Variants in PIK3R1 observed in about 807,000 individuals in gnomAD.
The protein encoded by PIK3R1 is phosphatidylinositol 3-kinase regulatory subunit alpha.
A neutral mutation model predicts 98.0 loss-of-function variants in PIK3R1; 29 were observed. That is an observed-to-expected ratio of 0.30 (90% CI 0.22 to 0.40). The LOEUF is 0.40. PIK3R1 is among the 10% of genes least tolerant of loss of function. The probability of loss-of-function intolerance (pLI) is 1.00; values close to 1 mark genes in which losing one functional copy is unlikely to be tolerated. For synonymous variants in PIK3R1, 282 were observed against 311.8 expected (o/e 0.90, Z 1.01); for missense variants, 596 against 872.7 (o/e 0.68, Z 3.99).
chr5:68,260,748 C>A (rs2112104476), intron 2 of PIK3R1, among the ~76,000 whole-genome samples: 1 of 152,266 alleles, frequency 6.6e-6, no homozygotes, highest in African/African-American at 2.4e-5. Flanking sequence ...ATATTGCTCT[C>A]AATTTCATGA....
At chr5:68,249,120 TC>T (rs1745207516) in intron 2 of PIK3R1, among the ~76,000 whole-genome samples, 1 of 152,262 alleles carries the variant, frequency 6.6e-6, no homozygotes, top group Admixed American at 6.5e-5. Flanking sequence ...CTGTGTAATT[TC>T]CTTCTGTCAA....
In PIK3R1 at chr5:68,273,478, G is replaced by C; in HGVS notation, c.423G>C (p.Lys141Asn). The change falls in exon 3 of 16, where the codon AAG becomes AAC. Residue 141 changes from lysine (K) to asparagine (N), a missense_variant. Around this residue, in one of 3 missense-constraint regions of PIK3R1, gnomAD observed 352 missense variants for 393.3 expected, o/e 0.90. Transcript: ENST00000521381. ...LLIKLVEAIE[K>N]KGLECSTLYR... ...TCAAGCTCGTGGAAGCCATTGAAAAGAAAGGTAACCAGACTGCTAGAGGGC... is the reference window on the plus strand; with the variant it reads ...TCAAGCTCGTGGAAGCCATTGAAAACAAAGGTAACCAGACTGCTAGAGGGC... The C allele has an allele frequency of 1.9e-6, 3 of 1,613,486 alleles. No homozygotes were observed. The highest frequency in any genetic ancestry group is 2.5e-6 in the Non-Finnish European group (3 of 1,179,478).
At position 68,300,000 on chromosome 5, in the gene PIK3R1, G is replaced by A. The variant is rs1427178856; in HGVS notation, c.*2399G>A. ...AATTAGTTAACAGTTTTTAAACTAG[G>A]TTTGTGGGTATTTTTTTGGTAGCAC... is the stretch of plus-strand genomic sequence containing the variant. On this transcript the variant is annotated 3_prime_UTR_variant, in exon 16 of 16. Transcript: ENST00000521381. The A allele has an allele frequency of 1.3e-5, 3 of 233,004 alleles. No homozygotes were observed. Among genetic ancestry groups the A allele is most frequent in the Non-Finnish European group, 2.5e-5 (3 of 118,000 alleles). 14.4% of individuals were successfully genotyped at this position (233,004 alleles called of 1,614,324 possible). A position where few individuals can be genotyped will look rare whatever the true frequency, so the allele number is the denominator to read the frequency against.
chr5:68,282,024 G>A (rs959089072), intron 7 of PIK3R1, among the ~76,000 whole-genome samples: 3 of 152,148 alleles, frequency 2.0e-5, no homozygotes, highest in African/African-American at 7.2e-5. Flanking sequence ...TGAAGATGCG[G>A]GTATTGGGAA....
At chr5:68,263,166 C>CAT (rs1338267325) in intron 2 of PIK3R1, among the ~76,000 whole-genome samples, 2 of 144,496 alleles carry the variant, frequency 1.4e-5, no homozygotes, top group Admixed American at 6.9e-5. Context: ...CATATATCTA[C>CAT]ATATATATCT....
chr5:68,244,527 CCCG>C lies in PIK3R1; in HGVS notation c.334+17526_334+17528del, dbSNP rs1554046351. Among the ~76,000 whole-genome samples the C allele has an allele frequency of 4.6e-5, 2 of 43,016 alleles. 1 individual carries two copies. The highest frequency in any genetic ancestry group is 2.3e-4 in the African/African-American group (2 of 8,638). 28.2% of individuals were successfully genotyped at this position (43,016 alleles called of 152,430 possible). On this transcript the variant is annotated intron_variant, in intron 2 of 15. Coordinates refer to ENST00000521381, the MANE Select transcript of PIK3R1 (RefSeq NM_181523.3). ...TTTCTCTAGGACCGCCCCCCCGCCCCCCGCCGCCGCTTCAGAGAGCTTTTCTCT... is the reference window on the plus strand; with the variant it reads ...TTTCTCTAGGACCGCCCCCCCGCCCCCCGCCGCTTCAGAGAGCTTTTCTCT...
At chr5:68,249,632 T>G (rs1207654183) in intron 2 of PIK3R1, among the ~76,000 whole-genome samples, 4 of 152,254 alleles carry the variant, frequency 2.6e-5, no homozygotes, top group African/African-American at 9.6e-5. Flanking sequence ...GTAGGAATTC[T>G]GTTAACCCAG....
chr5:68,288,673 C>T, intron 7 of PIK3R1: 2 of 1,609,954 alleles, frequency 1.2e-6, no homozygotes, highest in Non-Finnish European at 1.7e-6. Flanking sequence ...GGTGGAAGAA[C>T]AGCTTTGGGG....
At chr5:68,239,031 G>T (rs560802607) in intron 2 of PIK3R1, among the ~76,000 whole-genome samples, 8 of 152,046 alleles carry the variant, frequency 5.3e-5, no homozygotes, top group African/African-American at 1.9e-4. Flanking sequence ...AGAAAAGATG[G>T]TGACTTAAGA....
At position 68,262,796 on chromosome 5, in the gene PIK3R1, C is replaced by T. The variant is rs1482692329; in HGVS notation, c.335-10594C>T. ...GTAGATGCATGTAGATACATGTATACGTAGATACATGTATACATGTAGATA... is the reference window on the plus strand; with the variant it reads ...GTAGATGCATGTAGATACATGTATATGTAGATACATGTATACATGTAGATA... On this transcript the variant is annotated intron_variant, in intron 2 of 15. Transcript: ENST00000521381. 1.6e-4 allele frequency among the ~76,000 whole-genome samples: 3 copies of T among 18,508 alleles called. 1 individual carries two copies. Among genetic ancestry groups the T allele is most frequent in the Non-Finnish European group, 3.2e-4 (3 of 9,462 alleles). 12.1% of individuals were successfully genotyped at this position (18,508 alleles called of 152,430 possible).
chr5:68,297,516 A>G lies in PIK3R1; in HGVS notation c.2090A>G (p.His697Arg). Residue 697 changes from histidine (H) to arginine (R), a missense_variant, in exon 16 of 16, where the codon CAT becomes CGT. Physicochemically the swap from His to Arg is conservative, Grantham distance 29 (BLOSUM62 0). This residue lies in a region of PIK3R1 where 207 missense variants were observed against 361.4 expected (regional missense o/e 0.57). Coordinates refer to ENST00000521381, the MANE Select transcript of PIK3R1 (RefSeq NM_181523.3). Reference sequence around the variant, plus strand: ...AGCTCTCTGAAAGAACTGGTGCTACATTACCAACACACCTCCCTTGTGCAG... The same window carrying G: ...AGCTCTCTGAAAGAACTGGTGCTACGTTACCAACACACCTCCCTTGTGCAG... ...LYSSLKELVLHYQHTSLVQHN... is the reference protein window; with the variant it reads ...LYSSLKELVLRYQHTSLVQHN... 1 of 1,614,202 alleles carries G rather than the reference A, an allele frequency of 6.2e-7. No individual in the cohort carries two copies. The highest frequency in any genetic ancestry group is 8.5e-7 in the Non-Finnish European group (1 of 1,180,008).
intron 7 of PIK3R1, among the ~76,000 whole-genome samples, chr5:68,284,336 G>A (rs919238472): frequency 3.9e-5 from 6 of 152,154 alleles, no homozygotes; most frequent in African/African-American, 9.7e-5. Context: ...GCAGAGCTAC[G>A]GCCTCTAGGA....
chr5:68,293,406 T>C lies in PIK3R1; in HGVS notation c.1222T>C (p.Tyr408His). 6.2e-7 allele frequency: 1 copy of C among 1,612,840 alleles called. No individual in the cohort carries two copies. Among genetic ancestry groups the C allele is most frequent in the Non-Finnish European group, 8.5e-7 (1 of 1,178,888 alleles). Reference protein sequence around the residue: ...FSSVVELINHYRNESLAQYNP... With the variant: ...FSSVVELINHHRNESLAQYNP... ...TTCTGTGGTTGAATTAATAAACCAC[T>C]ACCGGAATGAATCTCTAGCTCAGTA... Residue 408 changes from tyrosine (Y) to histidine (H), a missense_variant, in exon 10 of 16, where the codon TAC becomes CAC. Tyr to His is a moderately conservative substitution (Grantham distance 83). Coordinates refer to ENST00000521381, the MANE Select transcript of PIK3R1 (RefSeq NM_181523.3).
At chr5:68,229,712 G>C (rs13156223) in intron 2 of PIK3R1, among the ~76,000 whole-genome samples, 43,970 of 152,092 alleles carry the variant, frequency 0.29, 7,102 homozygotes, top group East Asian at 0.72. Context: ...CTGGCCAAGA[G>C]TACGTTCTGT....
At chr5:68,270,012 C>T (rs999222283) in intron 2 of PIK3R1, among the ~76,000 whole-genome samples, 1 of 152,070 alleles carries the variant, frequency 6.6e-6, no homozygotes, top group Non-Finnish European at 1.5e-5. Flanking sequence ...TGGGGAGTCA[C>T]TCAATACATT....
chr5:68,288,781 T>C, intron 7 of PIK3R1: 1 of 1,603,598 alleles, frequency 6.2e-7, no homozygotes, highest in Non-Finnish European at 8.5e-7. Flanking sequence ...TGCACTTCTC[T>C]GTTCCTTATC....
chr5:68,277,401 G>C (rs960202800), intron 4 of PIK3R1, among the ~76,000 whole-genome samples: 1 of 152,140 alleles, frequency 6.6e-6, no homozygotes, highest in Non-Finnish European at 1.5e-5. Flanking sequence ...TTGTTTGTAG[G>C]ACATTTAAGT....
intron 4 of PIK3R1, among the ~76,000 whole-genome samples, chr5:68,277,424 C>T (rs1395459134): frequency 3.9e-5 from 6 of 152,196 alleles, no homozygotes; most frequent in African/African-American, 1.2e-4. Context: ...TTTAACACTT[C>T]GCCTCTTCAC....
At chr5:68,295,547 T>C in intron 14 of PIK3R1, 59 bp downstream of exon 14, 2 of 1,390,572 alleles carry the variant, frequency 1.4e-6, no homozygotes, top group East Asian at 2.3e-5. Flanking sequence ...GGAAAATGCA[T>C]GACTTGCTTT....
Sources: allele counts gnomAD v4.1 joint callset (sites outside exome capture counted in the v4.1 genomes callset), GRCh38; gene constraint gnomAD v4.1.1; regional missense constraint gnomAD v4.1.1; transcripts MANE v1.5; gene names NCBI Gene and HGNC (gene_info 2026-07-23, HGNC 2026-07-21).